The following CHODL variants were observed in gnomAD, a reference collection of about 807,000 sequenced individuals.
CHODL encodes transmembrane protein MT75.
In CHODL, 29 loss-of-function variants were observed where a neutral mutation model predicts 34.5. The ratio of observed to expected loss-of-function variants is 0.84; its 90% CI spans 0.63 to 1.15. The LOEUF is 1.15. Ranked by LOEUF, CHODL falls within the 50% of genes most tolerant of loss-of-function variation. CHODL has a pLI of 0.00. For synonymous variants in CHODL, 125 were observed against 116.1 expected (o/e 1.08, Z -0.49); for missense variants, 332 against 332.5 (o/e 1.00, Z 0.01).
chr21:17,985,144 G>GT (rs2063743672), intron 1 of CHODL, among the ~76,000 whole-genome samples: 1 of 152,058 alleles, frequency 6.6e-6, no homozygotes, highest in Non-Finnish European at 1.5e-5. Context: ...GAAAACGGAT[G>GT]TATCTATAAT....
chr21:18,112,354 T>A (rs2065361064), intron 2 of CHODL, among the ~76,000 whole-genome samples: 1 of 152,100 alleles, frequency 6.6e-6, no homozygotes, highest in Non-Finnish European at 1.5e-5. Flanking sequence ...CAATATATAT[T>A]TTTTAATGCA....
intron 2 of CHODL, among the ~76,000 whole-genome samples, chr21:18,070,088 G>C (rs1309712747): frequency 7.9e-6 from 1 of 127,216 alleles, no homozygotes; most frequent in Non-Finnish European, 1.6e-5. Context: ...CTTTTCTTTC[G>C]TTCTCTGGCT....
intron 1 of CHODL, among the ~76,000 whole-genome samples, chr21:17,940,661 C>CG (rs2063355146): frequency 1.3e-5 from 2 of 152,164 alleles, no homozygotes; most frequent in African/African-American, 4.8e-5. Context: ...ATTTTATGCA[C>CG]TTAAAACGTT....
intron 1 of CHODL, among the ~76,000 whole-genome samples, chr21:17,997,473 T>TCTTTTG (rs1172319991): frequency 1.3e-5 from 2 of 152,222 alleles, no homozygotes; most frequent in Non-Finnish European, 2.9e-5. Context: ...GGAAAATGAC[T>TCTTTTG]CTTTTGTTGT....
chr21:18,256,585 G>C lies in CHODL; in HGVS notation c.156G>C (p.Val52=). ...MAYFHELSSR[V]SFQEARLACE... is the part of the protein sequence containing the mutation. ...ACTTCCATGAACTGTCCAGCCGAGT[G>C]AGCTTTCAGGAGGCACGCCTGGCTT... The change falls in exon 2 of 6, where the codon GTG becomes GTC. Residue 52 remains valine (V), a synonymous_variant. Coordinates refer to ENST00000299295, the MANE Select transcript of CHODL (RefSeq NM_024944.3). 6.2e-7 allele frequency: 1 copy of C among 1,613,854 alleles called. No homozygotes were observed. The highest frequency in any genetic ancestry group is 8.5e-7 in the Non-Finnish European group (1 of 1,179,966).
intron 2 of CHODL, chr21:18,114,761 T>C (rs1218018064): frequency 1.3e-5 from 2 of 152,266 alleles, no homozygotes; most frequent in African/African-American, 4.8e-5. Flanking sequence ...ACAAGTGATT[T>C]CTTACCTTGG....
At chr21:18,048,125 G>T (rs2064467593) in intron 2 of CHODL, among the ~76,000 whole-genome samples, 1 of 151,786 alleles carries the variant, frequency 6.6e-6, no homozygotes, top group South Asian at 2.1e-4. Context: ...AGTTAACATT[G>T]GTAACTGACA....
intron 2 of CHODL, among the ~76,000 whole-genome samples, chr21:18,142,603 C>T (rs2072816533): frequency 6.6e-6 from 1 of 152,126 alleles, no homozygotes. Context: ...GGTCACGTTA[C>T]CCTGAGAGAC....
intron 1 of CHODL, among the ~76,000 whole-genome samples, chr21:18,002,844 C>G (rs1458718074): frequency 1.3e-5 from 2 of 152,084 alleles, no homozygotes; most frequent in African/African-American, 4.8e-5. Flanking sequence ...AAGAGCCCGG[C>G]CGGGCGCTGT....
intron 2 of CHODL, among the ~76,000 whole-genome samples, chr21:18,073,329 C>T (rs1157727465): frequency 6.6e-6 from 1 of 152,074 alleles, no homozygotes; most frequent in African/African-American, 2.4e-5. Context: ...AAAAATTCAG[C>T]AGCAAGTGAA....
chr21:18,128,173 C>T (rs1339466560), intron 2 of CHODL, among the ~76,000 whole-genome samples: 4 of 150,872 alleles, frequency 2.7e-5, no homozygotes, highest in Admixed American at 6.6e-5. Context: ...TGGTGGCGGG[C>T]GCCTGTAGTC....
rs150462623 is a variant in CHODL, at chr21:18,078,236, G to C, written c.-45+50265G>C. Among the ~76,000 whole-genome samples, 1,350 of 152,232 alleles carry C rather than the reference G, an allele frequency of 8.9e-3. 23 individuals are homozygous for C. The highest frequency in any genetic ancestry group is 0.049 in the South Asian group (237 of 4,820). On this transcript the variant is annotated intron_variant, in intron 2 of 6. Transcript: ENST00000400127. ...ACTCACAGTTCCACATGGCTGGGGAGGGCTCACAATCATGGCAAAAGGCAA... is the reference window on the plus strand; with the variant it reads ...ACTCACAGTTCCACATGGCTGGGGACGGCTCACAATCATGGCAAAAGGCAA...
intron 2 of CHODL, among the ~76,000 whole-genome samples, chr21:18,032,504 G>A (rs568421632): frequency 4.4e-4 from 67 of 152,016 alleles, no homozygotes; most frequent in African/African-American, 1.6e-3. Context: ...TGAAAGATTC[G>A]GGGGAATTGA....
intron 1 of CHODL, among the ~76,000 whole-genome samples, chr21:17,931,905 A>T (rs1379625152): frequency 1.3e-5 from 2 of 152,248 alleles, no homozygotes; most frequent in African/African-American, 4.8e-5. Flanking sequence ...CAAAACATTT[A>T]TGACTAAGAA....
At chr21:18,013,435 T>C (rs1025003302) in intron 1 of CHODL, among the ~76,000 whole-genome samples, 14 of 32,542 alleles carry the variant, frequency 4.3e-4, no homozygotes, top group Non-Finnish European at 7.6e-4. Flanking sequence ...TGCTTCAACT[T>C]CTCTCTGTCT....
At position 17,954,016 on chromosome 21, in the gene CHODL, AT is replaced by A. The variant is rs200466485; in HGVS notation, c.-145+36623del. On this transcript the variant is annotated intron_variant, in intron 1 of 6. Coordinates refer to the CHODL transcript ENST00000400127. ...AGAGCGAGACTCTGTCTCAAAAAAA[AT>A]TTTTTTAAATAAATAAATGTATAAA... Among the ~76,000 whole-genome samples, 7 of 145,428 alleles carry A rather than the reference AT, an allele frequency of 4.8e-5. 1 individual carries two copies. The East Asian group carries it at 8.4e-4, about 18-fold the overall frequency.
intron 2 of CHODL, among the ~76,000 whole-genome samples, chr21:18,108,023 C>A (rs1211305090): frequency 1.3e-5 from 2 of 152,186 alleles, no homozygotes; most frequent in Non-Finnish European, 2.9e-5. Flanking sequence ...TTTGCTTGCC[C>A]TGTCTTTCAT....
At chr21:18,142,599 G>C (rs751504351) in intron 2 of CHODL, among the ~76,000 whole-genome samples, 1 of 152,082 alleles carries the variant, frequency 6.6e-6, no homozygotes, top group African/African-American at 2.4e-5. Context: ...CTTGGGTCAC[G>C]TTACCCTGAG....
At chr21:18,113,709 G>T (rs2065379188) in intron 2 of CHODL, among the ~76,000 whole-genome samples, 1 of 152,096 alleles carries the variant, frequency 6.6e-6, no homozygotes, top group Non-Finnish European at 1.5e-5. Context: ...CTCCAACATT[G>T]GGAATTATAA....
Sources: gnomAD v4.1 joint callset for allele counts (sites outside exome capture counted in the v4.1 genomes callset) on GRCh38, gnomAD v4.1.1 for gene constraint, MANE v1.5 for transcripts, NCBI Gene and HGNC (gene_info 2026-07-23, HGNC 2026-07-21) for gene names.